NPAS3: variants seen among roughly 807,000 people sequenced by gnomAD.
NPAS3 encodes neuronal PAS domain-containing protein 3.
In NPAS3, 14 loss-of-function variants were observed where a neutral mutation model predicts 73.1. That is an observed-to-expected ratio of 0.19 (90% CI 0.13 to 0.30). The LOEUF (loss-of-function observed/expected upper bound fraction) is 0.30, where lower values mean the gene tolerates loss of function less well. NPAS3 is among the 10% of genes least tolerant of loss of function. The pLI, the probability that NPAS3 is intolerant of heterozygous loss-of-function variation, is 1.00. For synonymous variants in NPAS3, 620 were observed against 541.5 expected, an observed-to-expected ratio of 1.14 and a Z score of -2.01; for missense variants, 1,096 against 1,250.0, an observed-to-expected ratio of 0.88 and a Z score of 1.86.
At chr14:33,533,798 T>G (rs997178284) in intron 4 of NPAS3, among the ~76,000 whole-genome samples, 1 of 145,996 alleles carries the variant, frequency 6.8e-6, no homozygotes, top group African/African-American at 2.6e-5. Context: ...TGAGAATTTT[T>G]TTAAGGTTAC....
intron 3 of NPAS3, among the ~76,000 whole-genome samples, chr14:33,328,755 T>C (rs2043839821): frequency 6.6e-6 from 1 of 152,106 alleles, no homozygotes; most frequent in African/African-American, 2.4e-5. Flanking sequence ...TCCGTTCCTT[T>C]GGGTTTTCCC....
chr14:33,785,996 C>T (rs1229992010), intron 9 of NPAS3, among the ~76,000 whole-genome samples: 3 of 152,166 alleles, frequency 2.0e-5, no homozygotes, highest in African/African-American at 7.2e-5. Context: ...CACTTCCCCA[C>T]CACCCCACAG....
intron 2 of NPAS3, among the ~76,000 whole-genome samples, chr14:33,207,278 C>T (rs2046866748): frequency 9.9e-6 from 1 of 100,776 alleles, no homozygotes. Context: ...CACACACACA[C>T]ACACACACAC....
At chr14:33,411,257 C>T (rs1272947094) in intron 4 of NPAS3, among the ~76,000 whole-genome samples, 1 of 152,246 alleles carries the variant, frequency 6.6e-6, no homozygotes, top group African/African-American at 2.4e-5. Flanking sequence ...GGCACAATCT[C>T]GGCTCACTGC....
intron 1 of NPAS3, among the ~76,000 whole-genome samples, chr14:33,004,193 T>G (rs1443251815): frequency 3.9e-5 from 6 of 152,218 alleles, no homozygotes. Flanking sequence ...CAGTGTGTGT[T>G]GCTTAATCAC....
Position 33,563,537 on chromosome 14 carries a change from C to G in NPAS3, c.558+3327C>G, listed in dbSNP as rs370892685. On this transcript the variant is annotated intron_variant, in intron 5 of 11. Coordinates refer to ENST00000356141, the Ensembl canonical transcript of NPAS3. ...ATACATACACACACACACACACACA[C>G]AGAGAGAGAGAGAGAGAGAGAGAGA... 1.2e-3 allele frequency among the ~76,000 whole-genome samples: 146 copies of G among 119,694 alleles called. 1 individual carries two copies. In the East Asian group the frequency reaches 0.012, roughly 10 times the overall value. 78.5% of individuals were successfully genotyped at this position (119,694 alleles called of 152,430 possible).
intron 4 of NPAS3, among the ~76,000 whole-genome samples, chr14:33,386,844 C>A (rs1411026785): frequency 1.3e-5 from 2 of 152,080 alleles, no homozygotes; most frequent in Non-Finnish European, 2.9e-5. Context: ...TCATGCTGTT[C>A]ATAACTATGT....
chr14:33,319,501 C>A (rs2043346524), intron 3 of NPAS3, among the ~76,000 whole-genome samples: 1 of 152,086 alleles, frequency 6.6e-6, no homozygotes, highest in Non-Finnish European at 1.5e-5. Flanking sequence ...AGTGCAATGA[C>A]AGAAGGGAAG....
At chr14:33,625,427 A>G (rs145002148) in intron 5 of NPAS3, among the ~76,000 whole-genome samples, 1 of 152,178 alleles carries the variant, frequency 6.6e-6, no homozygotes, top group African/African-American at 2.4e-5. Context: ...GCTTGTGACA[A>G]ATGGGGATGA....
At chr14:33,476,654 G>A (rs2051050708) in intron 4 of NPAS3, among the ~76,000 whole-genome samples, 1 of 152,006 alleles carries the variant, frequency 6.6e-6, no homozygotes. Flanking sequence ...AGTTGTTTCT[G>A]TTTCATCAAT....
intron 7 of NPAS3, among the ~76,000 whole-genome samples, chr14:33,770,067 G>GA (rs1201102701): frequency 6.6e-6 from 1 of 151,962 alleles, no homozygotes; most frequent in Non-Finnish European, 1.5e-5. Flanking sequence ...GCCCAGCCTG[G>GA]AAAACTTTAA....
At chr14:33,442,269 T>C (rs1346668334) in intron 4 of NPAS3, among the ~76,000 whole-genome samples, 1 of 152,192 alleles carries the variant, frequency 6.6e-6, no homozygotes, top group East Asian at 1.9e-4. Flanking sequence ...GTTCCAGATC[T>C]CAGTCATAAG....
intron 3 of NPAS3, among the ~76,000 whole-genome samples, chr14:33,339,134 G>A (rs10143587): frequency 0.49 from 74,611 of 151,994 alleles, 19,919 homozygotes; most frequent in Admixed American, 0.64. Flanking sequence ...AATAATACAT[G>A]CCATAAAGTT....
chr14:33,326,602 A>G (rs1238216827), intron 3 of NPAS3, among the ~76,000 whole-genome samples: 2 of 152,244 alleles, frequency 1.3e-5, no homozygotes, highest in Non-Finnish European at 2.9e-5. Flanking sequence ...ATAGAACGTG[A>G]AAATCTAACT....
intron 3 of NPAS3, among the ~76,000 whole-genome samples, chr14:33,308,527 T>TATATATATATATATATATATACACAC: frequency 9.3e-4 from 96 of 103,620 alleles, no homozygotes; most frequent in Non-Finnish European, 1.4e-3. Flanking sequence ...TATATATATA[T>TATATATATATATATATATATACACAC]ACATACACAC....
intron 7 of NPAS3, among the ~76,000 whole-genome samples, chr14:33,769,560 C>T (rs1053207478): frequency 2.0e-5 from 3 of 152,166 alleles, no homozygotes; most frequent in African/African-American, 7.2e-5. Flanking sequence ...GTTCCTGGAT[C>T]CATTCAGCTG....
At chr14:33,523,283 C>G (rs115615655) in intron 4 of NPAS3, among the ~76,000 whole-genome samples, 1,567 of 152,064 alleles carry the variant, frequency 0.01, 23 homozygotes, top group African/African-American at 0.035. Context: ...CAGCATGACT[C>G]AAGGCACAGG....
chr14:32,940,380 G>C (rs1397021220), intron 1 of NPAS3, among the ~76,000 whole-genome samples: 2 of 152,182 alleles, frequency 1.3e-5, no homozygotes, highest in African/African-American at 2.4e-5. Context: ...CCACCAACGT[G>C]GTTTTCCCTC....
chr14:33,492,049 T>C (rs916885247), intron 4 of NPAS3, among the ~76,000 whole-genome samples: 2 of 152,170 alleles, frequency 1.3e-5, no homozygotes, highest in East Asian at 3.9e-4. Context: ...TGAGGTTATG[T>C]CAAGATAGTC....
Sources: allele counts gnomAD v4.1 joint callset (sites outside exome capture counted in the v4.1 genomes callset), GRCh38; gene constraint gnomAD v4.1.1; transcripts MANE v1.5; gene names NCBI Gene and HGNC (gene_info 2026-07-23, HGNC 2026-07-21).